The following TXLNB variants were observed in gnomAD, a reference collection of about 807,000 sequenced individuals.
TXLNB encodes beta-taxilin.
Under a neutral mutation model 57.4 loss-of-function variants are expected in TXLNB, and 37 were observed. The ratio of observed to expected loss-of-function variants is 0.64; its 90% confidence interval spans 0.50 to 0.85. The LOEUF (loss-of-function observed/expected upper bound fraction) is 0.85, where lower values mean the gene tolerates loss of function less well. Ranked by LOEUF, TXLNB falls within the 40% of genes least tolerant of loss-of-function variation. The pLI is 0.00. For synonymous variants in TXLNB, 302 were observed against 309.6 expected (o/e 0.98, Z 0.26); for missense variants, 848 against 825.6 (o/e 1.03, Z -0.33).
the TXLNB span, among the ~76,000 whole-genome samples, chr6:139,217,365 T>G: frequency 6.6e-6 from 1 of 152,078 alleles, no homozygotes; most frequent in Non-Finnish European, 1.5e-5. Context: ...GCACAGAAGC[T>G]TGCAAAAAGA....
chr6:139,243,120 C>G lies in TXLNB; in HGVS notation c.1461G>C (p.Glu487Asp). ...EPESNVSVDQ[E>D]IDAEEVNSVQ... ...CACTATTAACCTCCTCTGCGTCAAT[C>G]TCTTGATCCACAGAGACGTTTGACT... The change falls in exon 10 of 10, where the codon GAG becomes GAC. Residue 487 changes from glutamate (E) to aspartate (D), a missense_variant. Coordinates refer to ENST00000358430, the MANE Select transcript of TXLNB (RefSeq NM_153235.4). The G allele has an allele frequency of 6.2e-7, 1 of 1,614,190 alleles. No individual in the cohort carries two copies.
At chr6:139,309,482 G>A in the TXLNB span, among the ~76,000 whole-genome samples, 1 of 152,158 alleles carries the variant, frequency 6.6e-6, no homozygotes, top group African/African-American at 2.4e-5. Context: ...CCAGTTGCAT[G>A]ATAGGCCTAT....
chr6:139,242,693 C>G lies in TXLNB; in HGVS notation c.1888G>C (p.Val630Leu), dbSNP rs746936826. 1.6e-5 allele frequency: 25 copies of G among 1,611,250 alleles called. No homozygotes were observed. Among genetic ancestry groups the G allele is most frequent in the Non-Finnish European group, 2.1e-5 (25 of 1,179,014 alleles). Residue 630 changes from valine to leucine, a missense_variant, in exon 10 of 10, where the codon GTG (valine) becomes CTG (leucine). Transcript: ENST00000358430. Reference protein sequence around the residue: ...EASLQKMEADVPAPACAAEEH... With the variant: ...EASLQKMEADLPAPACAAEEH... ...TCTGCTGCGCATGCTGGAGCAGGCA[C>G]ATCTGCCTCCATCTTCTGTAGGGAG...
At chr6:139,217,172 C>T in the TXLNB span, among the ~76,000 whole-genome samples, 3 of 152,260 alleles carry the variant, frequency 2.0e-5, no homozygotes, top group African/African-American at 4.8e-5. Flanking sequence ...GTTCTCCTAG[C>T]AGCAGACCTA....
At chr6:139,236,090 T>C (rs1171289768), downstream of TXLNB, among the ~76,000 whole-genome samples, 3 of 152,120 alleles carry the variant, frequency 2.0e-5, no homozygotes, top group African/African-American at 7.2e-5. Flanking sequence ...GAGAACTACC[T>C]CCACTCAGTA....
At chr6:139,209,523 A>C in the TXLNB span, among the ~76,000 whole-genome samples, 1 of 152,002 alleles carries the variant, frequency 6.6e-6, no homozygotes, top group Admixed American at 6.6e-5. Context: ...TCATGTATGT[A>C]GACCAATGGA....
At chr6:139,280,229 C>A (rs1234802063) in intron 2 of TXLNB, among the ~76,000 whole-genome samples, 2 of 121,566 alleles carry the variant, frequency 1.6e-5, no homozygotes, top group Non-Finnish European at 3.2e-5. Context: ...TCCGGCCTGG[C>A]AACAGAGCAA....
the TXLNB span, among the ~76,000 whole-genome samples, chr6:139,300,684 C>G: frequency 6.6e-6 from 1 of 152,086 alleles, no homozygotes; most frequent in Non-Finnish European, 1.5e-5. Context: ...GATCACAAGG[C>G]CAGGGGTTCG....
In TXLNB at chr6:139,282,974, A is replaced by C. The variant is rs1186953238; in HGVS notation, c.424+5502T>G. ...TTCTCCCAGCCCACATAATGTTGTC[A>C]AAGAAGTGATAAATGAGAGATACCT... On this transcript the variant is annotated intron_variant, in intron 2 of 9. Coordinates refer to ENST00000358430, the MANE Select transcript of TXLNB (RefSeq NM_153235.4). 2 of 145,462 alleles carry C rather than the reference A, an allele frequency of 1.4e-5. 1 individual carries two copies. Among genetic ancestry groups the C allele is most frequent in the Non-Finnish European group, 3.1e-5 (2 of 65,442 alleles). The allele number at this position is 145,462 out of a possible 1,614,324, so 9.0% of individuals were successfully genotyped here.
the TXLNB span, among the ~76,000 whole-genome samples, chr6:139,319,239 C>A: frequency 1.3e-5 from 2 of 151,592 alleles, no homozygotes; most frequent in Non-Finnish European, 2.9e-5. Flanking sequence ...CCACACCCAG[C>A]CAATGTCTTT....
chr6:139,292,922 G>T (rs551266193), upstream of TXLNB, among the ~76,000 whole-genome samples: 3 of 152,108 alleles, frequency 2.0e-5, no homozygotes, highest in South Asian at 6.2e-4. This position sits in a 1 kb window ranked among gnomAD's most constrained non-coding sequence, Gnocchi z 4.0. Context: ...AGGCATAGTG[G>T]CATCCCTTGT....
chr6:139,219,728 A>T, the TXLNB span, among the ~76,000 whole-genome samples: 1 of 152,218 alleles, frequency 6.6e-6, no homozygotes, highest in African/African-American at 2.4e-5. Flanking sequence ...TCTGGGCTGG[A>T]AAATCTCATC....
At chr6:139,163,010 C>T in the TXLNB span, among the ~76,000 whole-genome samples, 8 of 152,224 alleles carry the variant, frequency 5.3e-5, no homozygotes, top group Non-Finnish European at 1.0e-4. Flanking sequence ...CTTTTCACCT[C>T]ACTGTCTACC....
chr6:139,248,258 G>A (rs1243174468), intron 7 of TXLNB, among the ~76,000 whole-genome samples: 1 of 149,118 alleles, frequency 6.7e-6, no homozygotes, highest in Non-Finnish European at 1.5e-5. Flanking sequence ...GGGCGACAGA[G>A]CGAGACTCCG....
At chr6:139,267,039 T>TA (rs150713063) in intron 4 of TXLNB, among the ~76,000 whole-genome samples, 40 of 145,506 alleles carry the variant, frequency 2.7e-4, no homozygotes, top group African/African-American at 7.9e-4. Flanking sequence ...AGCCTTCAAT[T>TA]AAAAAAAAAA....
At chr6:139,185,688 G>A in the TXLNB span, among the ~76,000 whole-genome samples, 14 of 152,274 alleles carry the variant, frequency 9.2e-5, no homozygotes, top group South Asian at 2.1e-4. Flanking sequence ...GCGACAGAGC[G>A]AGACTCTGTC....
rs150202600 is a variant in TXLNB at position 139,258,081 on chromosome 6, C to T, written c.1002+2237G>A. ...TGTTGTGATTGGTGACCCCCAACCT[C>T]GAGGGAGGCTGGTGGCTGCCTATTC... On this transcript the variant is annotated intron_variant, in intron 6 of 9. Coordinates refer to ENST00000358430, the MANE Select transcript of TXLNB (RefSeq NM_153235.4). Among the ~76,000 whole-genome samples the T allele has an allele frequency of 3.5e-4, 53 of 152,226 alleles. No individual in the cohort carries two copies. The East Asian group carries it at 8.9e-3, about 26-fold the overall frequency.
intron 1 of TXLNB, among the ~76,000 whole-genome samples, chr6:139,289,628 C>G (rs1045722633): frequency 3.3e-5 from 5 of 152,160 alleles, no homozygotes; most frequent in African/African-American, 4.8e-5. Flanking sequence ...AGTAGCATTC[C>G]TTATTATTCA....
the TXLNB span, among the ~76,000 whole-genome samples, chr6:139,202,959 C>A: frequency 6.6e-6 from 1 of 152,164 alleles, no homozygotes; most frequent in South Asian, 2.1e-4. Flanking sequence ...CAGTATTTAT[C>A]TTTCTGTGCC....
Sources: allele counts gnomAD v4.1 joint callset (sites outside exome capture counted in the v4.1 genomes callset), GRCh38; gene constraint gnomAD v4.1.1; non-coding constraint Gnocchi (gnomAD v3.1); transcripts MANE v1.5; gene names NCBI Gene and HGNC (gene_info 2026-07-23, HGNC 2026-07-21).